TNFRSF1B: variants seen among roughly 807,000 people sequenced by gnomAD.
The protein encoded by TNFRSF1B is TNF receptor superfamily member 1B, also known as tumor necrosis factor receptor superfamily member 1B.
A neutral mutation model predicts 44.6 loss-of-function variants in TNFRSF1B; 19 were observed. The ratio of observed to expected loss-of-function variants is 0.43; its 90% CI spans 0.30 to 0.62. The LOEUF (loss-of-function observed/expected upper bound fraction) is 0.62. Ranked by LOEUF, TNFRSF1B falls within the 20% of genes least tolerant of loss-of-function variation. The pLI, the probability that TNFRSF1B is intolerant of heterozygous loss-of-function variation, is 0.16. For missense variants in TNFRSF1B, 541 were observed against 619.9 expected, an observed-to-expected ratio of 0.87 and a Z score of 1.35; for synonymous variants, 252 against 261.1, an observed-to-expected ratio of 0.97 and a Z score of 0.34.
chr1:12,173,835 A>G (rs1422145744), intron 1 of TNFRSF1B, among the ~76,000 whole-genome samples: 1 of 152,148 alleles, frequency 6.6e-6, no homozygotes, highest in Non-Finnish European at 1.5e-5. Context: ...CCTCTCTGGG[A>G]CCCACAGTCT....
At chr1:12,203,771 G>A (rs1639443125) in intron 9 of TNFRSF1B, among the ~76,000 whole-genome samples, 1 of 152,148 alleles carries the variant, frequency 6.6e-6, no homozygotes, top group East Asian at 1.9e-4. Flanking sequence ...AGGCTGGAGT[G>A]CAGTGGCGCA....
Position 12,186,503 on chromosome 1 carries a change from T to C in TNFRSF1B, c.79-2293T>C, listed in dbSNP as rs1638990654. ...CCACGTTGTGCTGGTTTGTTAAATA[T>C]TTTTAGTATCTCCCCTGCTCCTATA... On this transcript the variant is annotated intron_variant, in intron 1 of 9. Coordinates refer to ENST00000376259, the MANE Select transcript of TNFRSF1B (RefSeq NM_001066.3). The surrounding 1 kb of genome is among the most constrained non-coding windows in gnomAD (Gnocchi z 4.8). Among the ~76,000 whole-genome samples the C allele has an allele frequency of 6.6e-6, 1 of 152,192 alleles. No homozygotes were observed. Among genetic ancestry groups the C allele is most frequent in the Admixed American group, 6.5e-5 (1 of 15,284 alleles).
intron 9 of TNFRSF1B, among the ~76,000 whole-genome samples, chr1:12,205,440 G>A (rs1165365500): frequency 1.3e-5 from 2 of 152,096 alleles, no homozygotes; most frequent in Non-Finnish European, 2.9e-5. Flanking sequence ...GAGCCCCCAA[G>A]GAAGTGATCT....
chr1:12,174,208 C>CCTTCTCCTTCTA (rs1638597018), intron 1 of TNFRSF1B, among the ~76,000 whole-genome samples: 1 of 134,598 alleles, frequency 7.4e-6, no homozygotes, highest in Non-Finnish European at 1.6e-5. Flanking sequence ...TTCTCCTTCT[C>CCTTCTCCTTCTA]CTTCTCCTTC....
At chr1:12,172,298 C>T (rs1327004570) in intron 1 of TNFRSF1B, among the ~76,000 whole-genome samples, 1 of 152,238 alleles carries the variant, frequency 6.6e-6, no homozygotes, top group African/African-American at 2.4e-5. Context: ...TCAGATAAAC[C>T]TCAAGTCGCT....
intron 8 of TNFRSF1B, among the ~76,000 whole-genome samples, chr1:12,198,419 C>T (rs773136722): frequency 6.6e-6 from 1 of 152,180 alleles, no homozygotes; most frequent in Non-Finnish European, 1.5e-5. Flanking sequence ...CTAGGAGTGT[C>T]TCTCCTCGCC....
At chr1:12,198,708 T>TTTTTTTTTTTTTTTTA (rs1557638867) in intron 8 of TNFRSF1B, among the ~76,000 whole-genome samples, 1 of 146,834 alleles carries the variant, frequency 6.8e-6, no homozygotes, top group African/African-American at 2.5e-5. Flanking sequence ...TTTTTTTTTT[T>TTTTTTTTTTTTTTTTA]GAGAAAGAGT....
chr1:12,167,512 C>A (rs765361552), intron 1 of TNFRSF1B: 1 of 429,006 alleles, frequency 2.3e-6, no homozygotes. Context: ...GACCCGGGAC[C>A]CCTCTTCCCT....
rs897200882 is a variant in TNFRSF1B, at chr1:12,169,435, G to A, written c.78+2266G>A. Among the ~76,000 whole-genome samples, 2 of 152,208 alleles carry A rather than the reference G, an allele frequency of 1.3e-5. No homozygotes were observed. The highest frequency in any genetic ancestry group is 2.4e-5 in the African/African-American group (1 of 41,462). Reference sequence around the variant, plus strand: ...TTGTCTTTAGAGATGTGGAAACTGAGGCGTTTCCCAGGATCACAGAGCTGG... The same window carrying A: ...TTGTCTTTAGAGATGTGGAAACTGAAGCGTTTCCCAGGATCACAGAGCTGG... On this transcript the variant is annotated intron_variant, in intron 1 of 9. Coordinates refer to ENST00000376259, the MANE Select transcript of TNFRSF1B (RefSeq NM_001066.3). The surrounding 1 kb of genome is among the most constrained non-coding windows in gnomAD (Gnocchi z 4.5).
chr1:12,197,504 C>G (rs1420304298), intron 8 of TNFRSF1B, among the ~76,000 whole-genome samples: 1 of 152,220 alleles, frequency 6.6e-6, no homozygotes, highest in East Asian at 1.9e-4. Flanking sequence ...CTGCCAGGCT[C>G]TTTGTGACTG....
chr1:12,182,323 C>A (rs1005780515), intron 1 of TNFRSF1B, among the ~76,000 whole-genome samples: 1 of 152,222 alleles, frequency 6.6e-6, no homozygotes, highest in African/African-American at 2.4e-5. Context: ...CCCACCCGCT[C>A]TGGGCCCACT....
chr1:12,178,083 G>A lies in TNFRSF1B; in HGVS notation c.79-10713G>A, dbSNP rs984077679. Among the ~76,000 whole-genome samples the A allele has an allele frequency of 1.3e-5, 2 of 152,222 alleles. No homozygotes were observed. Among genetic ancestry groups the A allele is most frequent in the East Asian group, 1.9e-4 (1 of 5,196 alleles). On this transcript the variant is annotated intron_variant, in intron 1 of 9. Coordinates refer to ENST00000376259, the MANE Select transcript of TNFRSF1B (RefSeq NM_001066.3). The surrounding 1 kb of genome is among the most constrained non-coding windows in gnomAD (Gnocchi z 4.3). ...CAATGAGGTGGTGGTGGAGGAGACC[G>A]TGAGCCGCTGTCACCTGAACACTGG...
chr1:12,183,679 T>TCTATCTATCTATCTATTCTAA (rs1553163409), intron 1 of TNFRSF1B, among the ~76,000 whole-genome samples: 7 of 127,174 alleles, frequency 5.5e-5, no homozygotes, highest in African/African-American at 8.2e-5. Context: ...TATCTATCTA[T>TCTATCTATCTATCTATTCTAA]CTATCTATCT....
Position 12,175,675 on chromosome 1 carries a change from A to G in TNFRSF1B, c.78+8506A>G, listed in dbSNP as rs78080119. On this transcript the variant is annotated intron_variant, in intron 1 of 9. Coordinates refer to ENST00000376259, the MANE Select transcript of TNFRSF1B (RefSeq NM_001066.3). ...CCTGTCCTGGCCCCCAGCTCCCTCA[A>G]GCCCCACTCCTGCATCCCATTCTCC... Among the ~76,000 whole-genome samples, 41 of 151,988 alleles carry G rather than the reference A, an allele frequency of 2.7e-4. No homozygotes were observed. In the East Asian group the frequency reaches 7.0e-3, roughly 26 times the overall value.
rs556327176 is a variant in TNFRSF1B at position 12,175,074 on chromosome 1, C to T, written c.78+7905C>T. On this transcript the variant is annotated intron_variant, in intron 1 of 9. Transcript: ENST00000376259. ...AGTGCGCCTGAGTGGGAGAGCAGAG[C>T]GGGAGGGGATTTGGAGGCAGGCGGG... 4.6e-5 allele frequency among the ~76,000 whole-genome samples: 7 copies of T among 152,084 alleles called. 1 individual carries two copies. The highest frequency in any genetic ancestry group is 4.1e-4 in the South Asian group (2 of 4,824).
At position 12,187,742 on chromosome 1, in the gene TNFRSF1B, AG is replaced by A. The variant is rs1218552171; in HGVS notation, c.79-1051del. Among the ~76,000 whole-genome samples the A allele has an allele frequency of 6.6e-6, 1 of 152,232 alleles. No individual in the cohort carries two copies. Among genetic ancestry groups the A allele is most frequent in the African/African-American group, 2.4e-5 (1 of 41,464 alleles). On this transcript the variant is annotated intron_variant, in intron 1 of 9. Coordinates refer to ENST00000376259, the MANE Select transcript of TNFRSF1B (RefSeq NM_001066.3). This position sits in a 1 kb window ranked among gnomAD's most constrained non-coding sequence, Gnocchi z 5.5. ...GTCTTCCAGAAGCAGAGCCTGAGGC[AG>A]GGATCTTTGTGAAAGTGATTTGCTA...
chr1:12,183,695 T>TTCTATCTAC (rs1305489892), intron 1 of TNFRSF1B, among the ~76,000 whole-genome samples: 19 of 127,666 alleles, frequency 1.5e-4, no homozygotes, highest in African/African-American at 5.3e-4. Context: ...TATCTATCTA[T>TTCTATCTAC]CTATCTATCT....
chr1:12,189,887 T>C (rs1639073900), intron 2 of TNFRSF1B, among the ~76,000 whole-genome samples: 2 of 152,130 alleles, frequency 1.3e-5, no homozygotes, highest in African/African-American at 4.8e-5. Flanking sequence ...CAGGGAACAG[T>C]GTGCCAGGAG....
rs966448361 is a variant in TNFRSF1B, at chr1:12,206,718, C to G, written c.1106-22C>G. On this transcript the variant is annotated intron_variant, in intron 9 of 9. Coordinates refer to ENST00000376259, the MANE Select transcript of TNFRSF1B (RefSeq NM_001066.3). ...ACTCCTGGACCCCCGGACTGACCCC[C>G]ACCCCATCTTGTGCTTAGCAGATTC... 7.1e-6 allele frequency: 11 copies of G among 1,550,222 alleles called. No homozygotes were observed. In the South Asian group the frequency reaches 1.3e-4, roughly 19 times the overall value.
Sources: gnomAD v4.1 joint callset for allele counts (sites outside exome capture counted in the v4.1 genomes callset) on GRCh38, gnomAD v4.1.1 for gene constraint, Gnocchi (gnomAD v3.1) non-coding constraint, MANE v1.5 for transcripts, NCBI Gene and HGNC (gene_info 2026-07-23, HGNC 2026-07-21) for gene names.